PHEX: variants seen among roughly 807,000 people sequenced by gnomAD.
PHEX encodes phosphate regulating endopeptidase X-linked.
PHEX carries 16 observed loss-of-function variants against 68.0 expected under a neutral mutation model. The observed-to-expected ratio is 0.24, with a 90% CI of 0.16 to 0.36. The LOEUF (loss-of-function observed/expected upper bound fraction) is 0.36. PHEX is among the 10% of genes least tolerant of loss of function. PHEX has a pLI of 1.00. For synonymous variants in PHEX, 208 were observed against 205.1 expected (o/e 1.01, Z -0.12); for missense variants, 480 against 575.5 (o/e 0.83, Z 1.70).
intron 12 of PHEX, among the ~76,000 whole-genome samples, chrX:22,155,487 G>C (rs892667808): frequency 8.9e-6 from 1 of 112,192 alleles, no homozygotes; most frequent in Admixed American, 9.5e-5. Flanking sequence ...TCTGAGAAAC[G>C]TTAGGTGTTA....
Position 22,224,960 on chromosome X carries a change from C to CGCTGTATGATTTATTATCATACAGT in PHEX, c.1900-1459_1900-1458insTGCTGTATGATTTATTATCATACAG, listed in dbSNP as rs1249995361. On this transcript the variant is annotated intron_variant, in intron 18 of 21. Transcript: ENST00000379374. ...TCAAATAACATAAATTATCATACAG[C>CGCTGTATGATTTATTATCATACAGT]GCTGTATGATTTATTATCATACAGC... Among the ~76,000 whole-genome samples the CGCTGTATGATTTATTATCATACAGT allele has an allele frequency of 7.7e-4, 83 of 107,493 alleles. 9 individuals carry two copies. Among genetic ancestry groups the CGCTGTATGATTTATTATCATACAGT allele is most frequent in the African/African-American group, 3.1e-3 (79 of 25,604 alleles). The allele number at this position is 107,493 out of a possible 115,157, so 93.3% of individuals were successfully genotyped here.
chrX:22,185,816 C>T (rs770104423), intron 14 of PHEX, among the ~76,000 whole-genome samples: 3 of 100,810 alleles, frequency 3.0e-5, no homozygotes, highest in African/African-American at 1.2e-4. Flanking sequence ...AGTACATTGG[C>T]GTGATCTCGG....
chrX:22,037,100 GAA>G (rs1556011745), intron 1 of PHEX, among the ~76,000 whole-genome samples: 85 of 84,171 alleles, frequency 1.0e-3, no homozygotes, highest in Middle Eastern at 6.6e-3. Flanking sequence ...CTCTTGTCTC[GAA>G]AAAAAAAAAA....
intron 18 of PHEX, 21 bp downstream of exon 18, chrX:22,221,764 G>A (rs896843796): frequency 3.4e-6 from 4 of 1,190,080 alleles, no homozygotes; most frequent in African/African-American, 3.5e-5. Context: ...CTGTGGCTAA[G>A]GGGGGCACCT....
intron 18 of PHEX, among the ~76,000 whole-genome samples, chrX:22,222,897 TAAGTCTGTACGACTCCA>T (rs1449617796): frequency 8.9e-6 from 1 of 111,925 alleles, no homozygotes; most frequent in Non-Finnish European, 1.9e-5. Context: ...AGAGTTTAAG[TAAGTCTGTACGACTCCA>T]AAGTCCATAC....
chrX:22,200,041 A>G (rs1337169820), intron 15 of PHEX, among the ~76,000 whole-genome samples: 2 of 112,008 alleles, frequency 1.8e-5, no homozygotes, highest in African/African-American at 3.3e-5. Flanking sequence ...TGTTCTGTGC[A>G]GCTAGGCTTT....
chrX:22,123,059 G>A (rs976155230), intron 11 of PHEX, among the ~76,000 whole-genome samples: 10 of 100,019 alleles, frequency 1.0e-4, no homozygotes, highest in African/African-American at 2.7e-4. Flanking sequence ...GTGCGATCTC[G>A]GCTCACTGCA....
intron 20 of PHEX, among the ~76,000 whole-genome samples, chrX:22,239,179 A>G (rs2147204120): frequency 8.9e-6 from 1 of 112,027 alleles, no homozygotes; most frequent in South Asian, 3.7e-4. Context: ...ACAGAAAGGA[A>G]TAGTAGCAAC....
intron 5 of PHEX, among the ~76,000 whole-genome samples, chrX:22,081,947 T>A (rs1293344185): frequency 8.9e-6 from 1 of 111,847 alleles, no homozygotes; most frequent in Non-Finnish European, 1.9e-5. Flanking sequence ...TATGTATTAC[T>A]AGTTAATGAA....
intron 3 of PHEX, among the ~76,000 whole-genome samples, chrX:22,064,668 A>T (rs1036115330): frequency 8.9e-6 from 1 of 112,157 alleles, no homozygotes; most frequent in Non-Finnish European, 1.9e-5. Context: ...GGGTACATGG[A>T]TGTTTTAATT....
chrX:22,062,830 G>A (rs887226292), intron 3 of PHEX, among the ~76,000 whole-genome samples: 3 of 110,009 alleles, frequency 2.7e-5, no homozygotes, highest in Non-Finnish European at 5.7e-5. Flanking sequence ...GTGTGATCTC[G>A]GCTCACTGCA....
chrX:22,224,960 C>CTGTATGATTTATTATCATACAGT (rs1935409094), intron 18 of PHEX, among the ~76,000 whole-genome samples: 3 of 107,465 alleles, frequency 2.8e-5, no homozygotes, highest in African/African-American at 1.2e-4. Flanking sequence ...TATCATACAG[C>CTGTATGATTTATTATCATACAGT]GCTGTATGAT....
At chrX:22,113,943 CTTTTTTTTTTTT>C (rs746349559) in intron 10 of PHEX, among the ~76,000 whole-genome samples, 3 of 63,996 alleles carry the variant, frequency 4.7e-5, no homozygotes, top group African/African-American at 1.2e-4. Flanking sequence ...TCTTCTTCTT[CTTTTTTTTTTTT>C]TTTTTTTTTT....
chrX:22,157,696 A>G (rs966707446), intron 12 of PHEX, among the ~76,000 whole-genome samples: 1 of 112,460 alleles, frequency 8.9e-6, no homozygotes, highest in African/African-American at 3.2e-5. Flanking sequence ...AGGAGAGAGC[A>G]TGGATGGTGC....
At chrX:22,180,499 G>A (rs1283215653) in intron 14 of PHEX, among the ~76,000 whole-genome samples, 1 of 111,115 alleles carries the variant, frequency 9.0e-6, no homozygotes, top group African/African-American at 3.3e-5. Context: ...AAAATGTTGT[G>A]GGTATGTAGT....
chrX:22,058,821 C>T lies in PHEX; in HGVS notation c.349+11610C>T, dbSNP rs192526852. Among the ~76,000 whole-genome samples, 964 of 112,035 alleles carry T rather than the reference C, an allele frequency of 8.6e-3. 9 individuals are homozygous for T. The highest frequency in any genetic ancestry group is 0.029 in the African/African-American group (903 of 30,847). ...ATTCTACCAATTTCCCTTCTTTTTT[C>T]GGACATGGAGTCTCACTCTGTCGCC... On this transcript the variant is annotated intron_variant, in intron 3 of 21. Coordinates refer to ENST00000379374, the MANE Select transcript of PHEX (RefSeq NM_000444.6).
chrX:22,142,371 T>C lies in PHEX; in HGVS notation c.1404+8747T>C, dbSNP rs760416111. 3.6e-5 allele frequency among the ~76,000 whole-genome samples: 4 copies of C among 112,521 alleles called. No individual in the cohort carries two copies. In the South Asian group the frequency reaches 1.5e-3, roughly 42 times the overall value. On this transcript the variant is annotated intron_variant, in intron 12 of 21. Transcript: ENST00000379374. Reference sequence around the variant, plus strand: ...TAGGTTGTGCTGTTATAGTTATTACTATGATACACATCTTTTGCATAATGC... The same window carrying C: ...TAGGTTGTGCTGTTATAGTTATTACCATGATACACATCTTTTGCATAATGC...
At chrX:22,131,644 A>C (rs1209596556) in intron 11 of PHEX, among the ~76,000 whole-genome samples, 1 of 113,017 alleles carries the variant, frequency 8.8e-6, no homozygotes. Flanking sequence ...CTGAAAACTT[A>C]TTAAACAGAA....
intron 3 of PHEX, 114 bp from the exon 4 acceptor site, chrX:22,076,274 G>A: frequency 3.7e-6 from 2 of 546,791 alleles, no homozygotes; most frequent in South Asian, 2.5e-5. Flanking sequence ...CTTTTCCAGG[G>A]TTGTCTGTCT....
Sources: gnomAD v4.1 joint callset for allele counts (sites outside exome capture counted in the v4.1 genomes callset) on GRCh38, gnomAD v4.1.1 for gene constraint, MANE v1.5 for transcripts, NCBI Gene and HGNC (gene_info 2026-07-23, HGNC 2026-07-21) for gene names.